ZRANB3: variants seen among roughly 807,000 people sequenced by gnomAD.
The protein encoded by ZRANB3 is DNA annealing helicase and endonuclease ZRANB3.
A neutral mutation model predicts 133.8 loss-of-function variants in ZRANB3; 125 were observed. The observed-to-expected ratio is 0.93, with a 90% CI of 0.81 to 1.08. ZRANB3 has a LOEUF of 1.08. Ranked by LOEUF, ZRANB3 falls within the 50% of genes least tolerant of loss-of-function variation. The pLI is 0.00. For missense variants in ZRANB3, 1,229 were observed against 1,275.5 expected (o/e 0.96, Z 0.56); for synonymous variants, 387 against 432.7 (o/e 0.89, Z 1.31).
At chr2:135,257,055 C>T (rs1372249386) in intron 12 of ZRANB3, among the ~76,000 whole-genome samples, 1 of 152,164 alleles carries the variant, frequency 6.6e-6, no homozygotes, top group East Asian at 1.9e-4. Flanking sequence ...CCTTCAGTTC[C>T]AGGAACTTGC....
chr2:135,354,795 G>A (rs1434500275), intron 3 of ZRANB3, among the ~76,000 whole-genome samples: 9 of 152,138 alleles, frequency 5.9e-5, no homozygotes, highest in Non-Finnish European at 1.0e-4. Flanking sequence ...TAGCATGAGG[G>A]AACTTTTAGG....
chr2:135,403,733 G>T (rs1023633705), intron 2 of ZRANB3, among the ~76,000 whole-genome samples: 2 of 152,082 alleles, frequency 1.3e-5, no homozygotes, highest in Non-Finnish European at 2.9e-5. Context: ...TCACACGGCC[G>T]GGTACTCCTC....
rs114706625 is a variant in ZRANB3, at chr2:135,358,965, G to A, written c.181-5337C>T. On this transcript the variant is annotated intron_variant, in intron 3 of 20. Coordinates refer to ENST00000264159, the MANE Select transcript of ZRANB3 (RefSeq NM_032143.4). ...ATAAGCCCAATAAGAGACTATGCCT[G>A]TCTCTTCTCCTTGTTTTTTTTTCAA... Among the ~76,000 whole-genome samples, 448 of 151,884 alleles carry A rather than the reference G, an allele frequency of 2.9e-3. 3 individuals carry two copies. The highest frequency in any genetic ancestry group is 0.01 in the African/African-American group (417 of 41,460).
intron 2 of ZRANB3, among the ~76,000 whole-genome samples, chr2:135,429,574 A>G (rs1689231482): frequency 6.6e-6 from 1 of 152,204 alleles, no homozygotes; most frequent in South Asian, 2.1e-4. Flanking sequence ...AAATTATAAT[A>G]CATCTATACC....
At chr2:135,382,710 TC>T (rs59742050) in intron 3 of ZRANB3, among the ~76,000 whole-genome samples, 10,488 of 152,186 alleles carry the variant, frequency 0.069, 757 homozygotes, top group African/African-American at 0.19. Context: ...AAAAGAATTT[TC>T]AACCCAGAAT....
chr2:135,343,888 T>C (rs551311722), intron 6 of ZRANB3, among the ~76,000 whole-genome samples: 2 of 147,508 alleles, frequency 1.4e-5, no homozygotes, highest in South Asian at 4.1e-4. Context: ...TTGAAAAGTA[T>C]GGAAAAAGAA....
At chr2:135,385,241 A>G (rs1195916394) in intron 3 of ZRANB3, among the ~76,000 whole-genome samples, 4 of 152,224 alleles carry the variant, frequency 2.6e-5, no homozygotes, top group Non-Finnish European at 4.4e-5. Flanking sequence ...CCCACTCACA[A>G]TTGCTTCAAT....
At chr2:135,424,972 A>G (rs1440028108) in intron 2 of ZRANB3, among the ~76,000 whole-genome samples, 1 of 152,176 alleles carries the variant, frequency 6.6e-6, no homozygotes, top group Non-Finnish European at 1.5e-5. Flanking sequence ...TCAGAACAAG[A>G]AAGCTTAGAA....
chr2:135,401,672 T>C (rs1239460295), intron 2 of ZRANB3, among the ~76,000 whole-genome samples: 1 of 152,220 alleles, frequency 6.6e-6, no homozygotes, highest in Non-Finnish European at 1.5e-5. Flanking sequence ...CCTTTCTTCC[T>C]GCATCACGCA....
intron 8 of ZRANB3, among the ~76,000 whole-genome samples, chr2:135,297,289 C>T (rs904975398): frequency 6.6e-6 from 1 of 152,222 alleles, no homozygotes; most frequent in Non-Finnish European, 1.5e-5. Flanking sequence ...GGCACCCCTC[C>T]CCCAGCCTCG....
At chr2:135,250,327 G>C (rs571226677) in intron 12 of ZRANB3, among the ~76,000 whole-genome samples, 1 of 152,318 alleles carries the variant, frequency 6.6e-6, no homozygotes, top group Non-Finnish European at 1.5e-5. Flanking sequence ...AAGGGAAGCA[G>C]AGCATAGAAG....
intron 2 of ZRANB3, among the ~76,000 whole-genome samples, chr2:135,400,884 G>C (rs1030800143): frequency 1.3e-5 from 2 of 152,176 alleles, no homozygotes; most frequent in Admixed American, 6.5e-5. Context: ...CCTACGGACA[G>C]TAATTTACAA....
chr2:135,200,123 TCAAAAAGACCA>T lies in ZRANB3; in HGVS notation c.*208_*218del. The T allele has an allele frequency of 1.6e-6, 1 of 621,088 alleles. No homozygotes were observed. Among genetic ancestry groups the T allele is most frequent in the South Asian group, 1.7e-5 (1 of 58,770 alleles). 38.5% of individuals were successfully genotyped at this position (621,088 alleles called of 1,614,324 possible). A position where few individuals can be genotyped will look rare whatever the true frequency, so the allele number is the denominator to read the frequency against. Reference sequence around the variant, plus strand: ...AACATAATTGCGAGTCTGAATCAAATCAAAAAGACCACAGAAATATTCAGTATTGTATCTTA... The same window carrying T: ...AACATAATTGCGAGTCTGAATCAAATCAGAAATATTCAGTATTGTATCTTA... On this transcript the variant is annotated 3_prime_UTR_variant, in exon 21 of 21. Transcript: ENST00000264159.
chr2:135,483,165 T>C (rs1015511741), intron 2 of ZRANB3, among the ~76,000 whole-genome samples: 28 of 151,786 alleles, frequency 1.8e-4, no homozygotes, highest in Non-Finnish European at 3.4e-4. Context: ...TCTTTTTCTA[T>C]TGATTGGAAT....
chr2:135,205,558 A>G (rs1385551526), intron 19 of ZRANB3, among the ~76,000 whole-genome samples: 1 of 151,934 alleles, frequency 6.6e-6, no homozygotes, highest in African/African-American at 2.4e-5. Context: ...GTTCCACTAT[A>G]TTGCTCAGGC....
intron 2 of ZRANB3, among the ~76,000 whole-genome samples, chr2:135,460,486 C>G (rs1050283383): frequency 6.6e-6 from 1 of 152,030 alleles, no homozygotes. Context: ...AGGCTGGTAT[C>G]GAACTCTTGA....
intron 2 of ZRANB3, among the ~76,000 whole-genome samples, chr2:135,450,884 A>G (rs958751041): frequency 5.9e-5 from 9 of 152,212 alleles, no homozygotes; most frequent in African/African-American, 1.7e-4. Context: ...AGAGATATCC[A>G]TATCTACTAC....
At chr2:135,426,449 T>C (rs1171456926) in intron 2 of ZRANB3, among the ~76,000 whole-genome samples, 3 of 151,912 alleles carry the variant, frequency 2.0e-5, no homozygotes, top group African/African-American at 4.8e-5. Flanking sequence ...CTTGACAAAA[T>C]ACTAGCAAAC....
chr2:135,371,155 T>C (rs916231757), intron 3 of ZRANB3, among the ~76,000 whole-genome samples: 1 of 152,244 alleles, frequency 6.6e-6, no homozygotes, highest in Admixed American at 6.5e-5. Context: ...TGTCAAAATT[T>C]AAGCTCATTA....
Sources: allele counts gnomAD v4.1 joint callset (sites outside exome capture counted in the v4.1 genomes callset), GRCh38; gene constraint gnomAD v4.1.1; transcripts MANE v1.5; gene names NCBI Gene and HGNC (gene_info 2026-07-23, HGNC 2026-07-21).